PIK3C2G: variants seen among roughly 807,000 people sequenced by gnomAD.
PIK3C2G encodes phosphatidylinositol 3-kinase C2 domain-containing subunit gamma.
In PIK3C2G, 168 loss-of-function variants were observed where a neutral mutation model predicts 181.1. The observed-to-expected ratio is 0.93, with a 90% CI of 0.82 to 1.05. The LOEUF is 1.05. Among genes scored for constraint, PIK3C2G ranks in the 50% least tolerant of loss-of-function variants. PIK3C2G has a pLI of 0.00. For missense variants in PIK3C2G, 1,869 were observed against 1,732.8 expected (o/e 1.08, Z -1.40); for synonymous variants, 573 against 592.2 (o/e 0.97, Z 0.47).
intron 1 of PIK3C2G, among the ~76,000 whole-genome samples, chr12:18,250,912 C>T (rs1220202403): frequency 4.0e-5 from 6 of 151,712 alleles, no homozygotes; most frequent in African/African-American, 1.2e-4. Context: ...AATTCATGTG[C>T]AAAATCAGAT....
intron 18 of PIK3C2G, among the ~76,000 whole-genome samples, chr12:18,479,836 G>A (rs1170004913): frequency 2.6e-5 from 4 of 152,146 alleles, no homozygotes; most frequent in African/African-American, 7.2e-5. Context: ...ATAGGTCGTT[G>A]GCCAAATTTC....
chr12:18,601,618 C>T (rs1232250599), intron 30 of PIK3C2G, among the ~76,000 whole-genome samples: 1 of 152,068 alleles, frequency 6.6e-6, no homozygotes, highest in African/African-American at 2.4e-5. Context: ...CTGTAAATTA[C>T]TTTGGGCAGT....
At chr12:18,286,621 T>G (rs1949456113) in intron 2 of PIK3C2G, among the ~76,000 whole-genome samples, 1 of 152,074 alleles carries the variant, frequency 6.6e-6, no homozygotes, top group East Asian at 1.9e-4. Flanking sequence ...TGTTCTATAT[T>G]GTCATTGGGG....
chr12:18,391,259 G>A lies in PIK3C2G; in HGVS notation c.2126+7G>A, dbSNP rs1197424861. The A allele has an allele frequency of 1.3e-6, 2 of 1,550,560 alleles. No homozygotes were observed. The highest frequency in any genetic ancestry group is 1.7e-6 in the Non-Finnish European group (2 of 1,152,502). On this transcript the variant is annotated splice_region_variant and intron_variant, in intron 15 of 32. Coordinates refer to ENST00000538779, the MANE Select transcript of PIK3C2G (RefSeq NM_001288772.2). ...AGAAACAGACTCCCCTACTGTAAGT[G>A]ACCTAGGTCTTGTGAATGAATTTTT...
intron 29 of PIK3C2G, among the ~76,000 whole-genome samples, chr12:18,592,125 A>G (rs1380655586): frequency 6.6e-6 from 1 of 151,856 alleles, no homozygotes; most frequent in Non-Finnish European, 1.5e-5. Context: ...CAGTGAAAAG[A>G]TATTTTGAGA....
the PIK3C2G span, among the ~76,000 whole-genome samples, chr12:18,722,858 A>G: frequency 1.1e-4 from 17 of 152,180 alleles, no homozygotes; most frequent in East Asian, 3.3e-3. Context: ...TCAGTTTATA[A>G]TATTTTCTTC....
intron 18 of PIK3C2G, among the ~76,000 whole-genome samples, chr12:18,463,219 A>G (rs1474440293): frequency 6.6e-6 from 1 of 152,170 alleles, no homozygotes; most frequent in African/African-American, 2.4e-5. Flanking sequence ...CCAAAATTTT[A>G]TAACATATAG....
chr12:18,361,994 A>T (rs1941273608), intron 11 of PIK3C2G, among the ~76,000 whole-genome samples: 1 of 151,964 alleles, frequency 6.6e-6, no homozygotes, highest in Non-Finnish European at 1.5e-5. Flanking sequence ...TGTTCTCAAC[A>T]GTCTCCAGGC....
At chr12:18,273,966 A>C (rs571077065) in intron 1 of PIK3C2G, among the ~76,000 whole-genome samples, 2 of 152,134 alleles carry the variant, frequency 1.3e-5, no homozygotes, top group Non-Finnish European at 2.9e-5. Flanking sequence ...AAGAAAAAAA[A>C]CAACCCCATC....
intron 24 of PIK3C2G, among the ~76,000 whole-genome samples, chr12:18,529,004 T>C (rs962020246): frequency 6.6e-6 from 1 of 152,144 alleles, no homozygotes; most frequent in Non-Finnish European, 1.5e-5. Flanking sequence ...AAGTCTTAGT[T>C]GTTAAAATTT....
rs1945413835 is a variant in PIK3C2G, at chr12:18,562,709, A to T, written c.3597A>T (p.Ile1199=). The T allele has an allele frequency of 6.3e-7, 1 of 1,577,788 alleles. No individual in the cohort carries two copies. The highest frequency in any genetic ancestry group is 1.8e-5 in the Admixed American group (1 of 56,664). The part of the protein sequence containing the change: ...LEATSHFTKK[I]KESLECFPVK... ...TTCTTTTACATTTCTCTAGGAAAATAAAGGAAAGTCTGGAGTGTTTCCCTG... is the reference window on the plus strand; with the variant it reads ...TTCTTTTACATTTCTCTAGGAAAATTAAGGAAAGTCTGGAGTGTTTCCCTG... Residue 1199 remains isoleucine, a synonymous_variant, in exon 27 of 33, where the codon ATA becomes ATT. Coordinates refer to ENST00000538779, the MANE Select transcript of PIK3C2G (RefSeq NM_001288772.2).
chr12:18,487,838 T>G (rs1485520966), intron 18 of PIK3C2G, among the ~76,000 whole-genome samples: 1 of 152,010 alleles, frequency 6.6e-6, no homozygotes, highest in Non-Finnish European at 1.5e-5. Flanking sequence ...TAGAATTACC[T>G]TATTTTAAGA....
chr12:18,301,020 T>C (rs1243942143), intron 5 of PIK3C2G, among the ~76,000 whole-genome samples: 1 of 152,116 alleles, frequency 6.6e-6, no homozygotes, highest in Non-Finnish European at 1.5e-5. Context: ...TTGAGCATTT[T>C]GAATATATCA....
rs138527043 is a variant in PIK3C2G at position 18,628,091 on chromosome 12, A to C, written c.4183-12338A>C. 2.4e-4 allele frequency among the ~76,000 whole-genome samples: 36 copies of C among 152,246 alleles called. No individual in the cohort carries two copies. The East Asian group carries it at 5.8e-3, about 25-fold the overall frequency. On this transcript the variant is annotated intron_variant, in intron 31 of 32. Transcript: ENST00000538779. Reference sequence around the variant, plus strand: ...TCTTTCTTGGTCTTTCTTTGTAGTGAATCAATATAGGATCGTGATTAGGAA... The same window carrying C: ...TCTTTCTTGGTCTTTCTTTGTAGTGCATCAATATAGGATCGTGATTAGGAA...
chr12:18,259,518 A>G (rs1272125911), upstream of PIK3C2G, among the ~76,000 whole-genome samples: 3 of 152,020 alleles, frequency 2.0e-5, no homozygotes, highest in African/African-American at 7.2e-5. Flanking sequence ...AAAATTGAGG[A>G]ATTTTGAACA....
chr12:18,303,115 C>CTTTCTTTCTTTCTTTCTTTCTTTCT (rs1950253330), intron 5 of PIK3C2G, among the ~76,000 whole-genome samples: 1 of 136,604 alleles, frequency 7.3e-6, no homozygotes. Context: ...TCTTTCTTTC[C>CTTTCTTTCTTTCTTTCTTTCTTTCT]TTCTTTCTTT....
At chr12:18,671,075 G>A in the PIK3C2G span, among the ~76,000 whole-genome samples, 4 of 151,908 alleles carry the variant, frequency 2.6e-5, no homozygotes, top group South Asian at 8.3e-4. Context: ...TACTCAGGAG[G>A]CTGAGGCAGG....
intron 18 of PIK3C2G, among the ~76,000 whole-genome samples, chr12:18,481,049 C>T (rs1939512522): frequency 6.6e-6 from 1 of 152,182 alleles, no homozygotes; most frequent in Non-Finnish European, 1.5e-5. Context: ...TCTCCTGCCT[C>T]AGCCTCCTGA....
At chr12:18,480,968 C>T (rs573042027) in intron 18 of PIK3C2G, among the ~76,000 whole-genome samples, 81 of 152,200 alleles carry the variant, frequency 5.3e-4, no homozygotes, top group African/African-American at 1.7e-3. Context: ...GAGTCTCACT[C>T]TGTCTCCAGG....
Sources: gnomAD v4.1 joint callset for allele counts (sites outside exome capture counted in the v4.1 genomes callset) on GRCh38, gnomAD v4.1.1 for gene constraint, MANE v1.5 for transcripts, NCBI Gene and HGNC (gene_info 2026-07-23, HGNC 2026-07-21) for gene names.